SIN3A: variants seen among roughly 807,000 people sequenced by gnomAD.
SIN3A encodes paired amphipathic helix protein Sin3a.
A neutral mutation model predicts 146.1 loss-of-function variants in SIN3A; 14 were observed. That is an observed-to-expected ratio of 0.10 (90% CI 0.06 to 0.15). SIN3A has a LOEUF of 0.15. SIN3A is among the 10% of genes least tolerant of loss of function. The pLI, the probability that SIN3A is intolerant of heterozygous loss-of-function variation, is 1.00. For synonymous variants in SIN3A, 572 were observed against 572.0 expected (o/e 1.00, Z 0.00); for missense variants, 1,028 against 1,576.0 (o/e 0.65, Z 5.89).
At chr15:75,385,903 T>C (rs2073067018) in intron 16 of SIN3A, among the ~76,000 whole-genome samples, 2 of 152,162 alleles carry the variant, frequency 1.3e-5, no homozygotes, top group African/African-American at 4.8e-5. Flanking sequence ...ATTAAAATAA[T>C]GCTTATGAGT....
At chr15:75,399,275 T>C (rs2073364366) in intron 12 of SIN3A, among the ~76,000 whole-genome samples, 1 of 151,794 alleles carries the variant, frequency 6.6e-6, no homozygotes, top group African/African-American at 2.4e-5. Context: ...ACACCTGTAA[T>C]CCTAGCACTT....
At chr15:75,440,544 T>C (rs1363983258) in intron 1 of SIN3A, among the ~76,000 whole-genome samples, 1 of 151,876 alleles carries the variant, frequency 6.6e-6, no homozygotes, top group Non-Finnish European at 1.5e-5. Flanking sequence ...AAGTAGCAAA[T>C]CTAAATTTTT....
At chr15:75,383,286 AAAAGTT>A (rs1328341371) in intron 17 of SIN3A, among the ~76,000 whole-genome samples, 5 of 152,088 alleles carry the variant, frequency 3.3e-5, no homozygotes, top group Admixed American at 3.3e-4. Context: ...AAAAAAAAAA[AAAAGTT>A]AAAGACCATT....
intron 8 of SIN3A, among the ~76,000 whole-genome samples, chr15:75,407,892 CAAAAAAAAAAAAAA>C (rs775913884): frequency 3.7e-4 from 9 of 24,642 alleles, no homozygotes; most frequent in South Asian, 3.7e-3. Context: ...GACTCCATCT[CAAAAAAAAAAAAAA>C]AAAAAAAAAA....
At chr15:75,454,363 A>T (rs1015063582), upstream of SIN3A, among the ~76,000 whole-genome samples, 1 of 152,084 alleles carries the variant, frequency 6.6e-6, no homozygotes, top group Admixed American at 6.5e-5. Context: ...GCTCCCCTGC[A>T]GGCGGGTTGC....
Position 75,371,912 on chromosome 15 carries a change from G to T in SIN3A, c.*67C>A. 7.2e-7 allele frequency: 1 copy of T among 1,381,674 alleles called. No individual in the cohort carries two copies. Among genetic ancestry groups the T allele is most frequent in the Non-Finnish European group, 1.0e-6 (1 of 976,942 alleles). 85.6% of individuals were successfully genotyped at this position (1,381,674 alleles called of 1,614,324 possible). ...AAGGCATCTTCCTTGTTTCTTCAGT[G>T]TGTGAGTGCATAGGCCCACACACAC... On this transcript the variant is annotated 3_prime_UTR_variant, in exon 21 of 21. Coordinates refer to ENST00000394947, the MANE Select transcript of SIN3A (RefSeq NM_001145358.2).
At chr15:75,413,137 G>C in intron 4 of SIN3A, 92 bp from the exon 5 acceptor site, 27 of 1,272,170 alleles carry the variant, frequency 2.1e-5, no homozygotes, top group Non-Finnish European at 2.6e-5. Context: ...TTTTGAGACG[G>C]AGTCTCACTC....
At chr15:75,385,226 G>A (rs1047095534) in intron 16 of SIN3A, among the ~76,000 whole-genome samples, 2 of 152,148 alleles carry the variant, frequency 1.3e-5, no homozygotes, top group Admixed American at 6.5e-5. Flanking sequence ...CAACTACAAA[G>A]CCTGAAACTC....
intron 1 of SIN3A, among the ~76,000 whole-genome samples, chr15:75,435,698 C>T (rs1222995564): frequency 1.7e-5 from 1 of 57,300 alleles, no homozygotes; most frequent in Admixed American, 2.0e-4. Flanking sequence ...AACTACGTCT[C>T]AAAAAAAAAA....
At chr15:75,417,123 G>A (rs972561400) in intron 3 of SIN3A, among the ~76,000 whole-genome samples, 3 of 151,668 alleles carry the variant, frequency 2.0e-5, no homozygotes, top group African/African-American at 7.3e-5. Context: ...TTTAAAGCTG[G>A]ATACAGTTTG....
At chr15:75,400,416 A>C (rs1395324085) in intron 11 of SIN3A, among the ~76,000 whole-genome samples, 1 of 152,062 alleles carries the variant, frequency 6.6e-6, no homozygotes, top group Non-Finnish European at 1.5e-5. Flanking sequence ...TCTTTACAAA[A>C]CTAAAAACTT....
rs547505245 is a variant in SIN3A, at chr15:75,373,765, AAAAG to A, written c.3592-1560_3592-1557del. Among the ~76,000 whole-genome samples the A allele has an allele frequency of 2.1e-4, 32 of 152,014 alleles. No homozygotes were observed. In the South Asian group the frequency reaches 2.9e-3, roughly 14 times the overall value. On this transcript the variant is annotated intron_variant, in intron 20 of 20. Transcript: ENST00000394947. Reference sequence around the variant, plus strand: ...GTGTCTATTTTCATTAAAAAAAAAAAAAAGAAAGAAAAAAAGAATGCAGTATATA... The same window carrying A: ...GTGTCTATTTTCATTAAAAAAAAAAAAAAGAAAAAAAGAATGCAGTATATA...
chr15:75,449,900 C>T (rs539633462), intron 1 of SIN3A, among the ~76,000 whole-genome samples: 1 of 152,168 alleles, frequency 6.6e-6, no homozygotes, highest in African/African-American at 2.4e-5. Flanking sequence ...CTGCCTCAGC[C>T]TCCCCAGTAG....
chr15:75,451,015 C>A (rs1343335135), intron 1 of SIN3A, among the ~76,000 whole-genome samples: 56 of 151,742 alleles, frequency 3.7e-4, no homozygotes, highest in Admixed American at 1.0e-3. Context: ...CGCGGGAGAC[C>A]CCCCCCTACC....
At position 75,430,241 on chromosome 15, in the gene SIN3A, A is replaced by T; in HGVS notation, c.135T>A (p.Ser45=). 6.2e-7 allele frequency: 1 copy of T among 1,614,146 alleles called. No individual in the cohort carries two copies. Among genetic ancestry groups the T allele is most frequent in the South Asian group, 1.1e-5 (1 of 91,082 alleles). ...APAPPVYEAV[S]ETMQSATGIQ... is the part of the protein sequence containing the mutation. ...TTCCCGTAGCTGACTGCATGGTCTC[A>T]GACACTGCTTCATACACAGGAGGGG... is the stretch of plus-strand genomic sequence containing the variant. The change falls in exon 2 of 21, where the codon TCT becomes TCA. Residue 45 remains serine, a synonymous_variant. Coordinates refer to ENST00000394947, the MANE Select transcript of SIN3A (RefSeq NM_001145358.2).
In SIN3A at chr15:75,396,394, A is replaced by G. The variant is rs1268875059; in HGVS notation, c.1957T>C (p.Leu653=). 4 of 1,614,046 alleles carry G rather than the reference A, an allele frequency of 2.5e-6. No homozygotes were observed. In the Admixed American group the frequency reaches 6.7e-5, roughly 27 times the overall value. The change falls in exon 13 of 21, where the codon TTG becomes CTG. Residue 653 remains leucine, a synonymous_variant. Coordinates refer to ENST00000394947, the MANE Select transcript of SIN3A (RefSeq NM_001145358.2). ...GATGTGCCCCCAAGGGTGTTGTCCA[A>G]GCGAAATTTGGCTTGTTCTTCAGCA... ...LSAEEQAKFR[L]DNTLGGTSEV... is the part of the protein sequence containing the mutation.
intron 19 of SIN3A, 31 bp from the exon 20 acceptor site, chr15:75,375,903 C>G: frequency 6.2e-7 from 1 of 1,609,442 alleles, no homozygotes. Context: ...AGGATGAGAG[C>G]TCGTCCAGAT....
rs779646300 is a variant in SIN3A at position 75,389,773 on chromosome 15, C to T, written c.2900G>A (p.Arg967Gln). Residue 967 changes from arginine (R) to glutamine (Q), a missense_variant, in exon 16 of 21, where the codon CGG becomes CAG. Around this residue, in one of 9 missense-constraint regions of SIN3A, gnomAD observed 488 missense variants for 690.2 expected, o/e 0.71. Coordinates refer to ENST00000394947, the MANE Select transcript of SIN3A (RefSeq NM_001145358.2). ...DYYPAFLDMV[R>Q]SLLDGNIDSS... ...GTCTATGTTGCCATCCAGCAGGCTC[C>T]GCACCATGTCCAGGAAAGCTGGGTA... is the stretch of plus-strand genomic sequence containing the variant. 7 of 1,614,094 alleles carry T rather than the reference C, an allele frequency of 4.3e-6. No individual in the cohort carries two copies. The highest frequency in any genetic ancestry group is 1.7e-5 in the Admixed American group (1 of 60,008).
Position 75,401,849 on chromosome 15 carries a change from T to C in SIN3A, c.1526+3A>G. The stretch of plus-strand genomic sequence containing the variant: ...TCAGGGCTAAGCCCCTCACTTCACT[T>C]ACCCCAGGAAAGGAGAGACTAGTTG... On this transcript the variant is annotated splice_donor_region_variant and intron_variant, in intron 10 of 20. Coordinates refer to ENST00000394947, the MANE Select transcript of SIN3A (RefSeq NM_001145358.2). 1.3e-6 allele frequency: 2 copies of C among 1,568,742 alleles called. No individual in the cohort carries two copies. Among genetic ancestry groups the C allele is most frequent in the Non-Finnish European group, 1.8e-6 (2 of 1,138,972 alleles).
Sources: gnomAD v4.1 joint callset for allele counts (sites outside exome capture counted in the v4.1 genomes callset) on GRCh38, gnomAD v4.1.1 for gene constraint, gnomAD v4.1.1 regional missense constraint, MANE v1.5 for transcripts, NCBI Gene and HGNC (gene_info 2026-07-23, HGNC 2026-07-21) for gene names.